Variants in FIGN observed in about 807,000 individuals in gnomAD.
The protein encoded by FIGN is fidgetin, microtubule severing factor, also known as fidgetin.
In FIGN, 11 loss-of-function variants were observed where a neutral mutation model predicts 51.3. The observed-to-expected ratio is 0.21, with a 90% CI of 0.13 to 0.35. The LOEUF (loss-of-function observed/expected upper bound fraction) is 0.35, where lower values mean the gene tolerates loss of function less well. Among genes scored for constraint, FIGN ranks in the 10% least tolerant of loss-of-function variants. The probability of loss-of-function intolerance (pLI) is 1.00; values close to 1 mark genes in which losing one functional copy is unlikely to be tolerated. For synonymous variants in FIGN, 407 were observed against 363.2 expected, an observed-to-expected ratio of 1.12 and a Z score of -1.37; for missense variants, 857 against 943.6, an observed-to-expected ratio of 0.91 and a Z score of 1.20.
At chr2:163,696,397 A>G (rs1173927890) in intron 2 of FIGN, among the ~76,000 whole-genome samples, 6 of 152,132 alleles carry the variant, frequency 3.9e-5, no homozygotes, top group Non-Finnish European at 8.8e-5. Flanking sequence ...TTAGCAACCT[A>G]TTCTACCTGT....
chr2:163,653,487 G>C (rs988761363), intron 2 of FIGN, among the ~76,000 whole-genome samples: 6 of 151,970 alleles, frequency 3.9e-5, no homozygotes, highest in African/African-American at 1.4e-4. Flanking sequence ...TCTGTTTAAA[G>C]TTTAATACAT....
intron 2 of FIGN, among the ~76,000 whole-genome samples, chr2:163,640,088 G>T (rs1683285311): frequency 6.6e-6 from 1 of 152,088 alleles, no homozygotes; most frequent in Admixed American, 6.6e-5. Context: ...CTTCCTGCAA[G>T]AAGTATCATA....
At chr2:163,622,705 G>C (rs976831849) in intron 2 of FIGN, among the ~76,000 whole-genome samples, 1 of 151,966 alleles carries the variant, frequency 6.6e-6, no homozygotes, top group Non-Finnish European at 1.5e-5. Flanking sequence ...GGGACTACAG[G>C]CTCACGCTAC....
In FIGN at chr2:163,638,384, T is replaced by C. The variant is rs545927084; in HGVS notation, c.26-26578A>G. ...TAAGAGAGTATTAACTCTTAGGTTT[T>C]AGTGGGGCTTTACATTTAAAACTTG... is the stretch of plus-strand genomic sequence containing the variant. On this transcript the variant is annotated intron_variant, in intron 2 of 2. Coordinates refer to ENST00000333129, the MANE Select transcript of FIGN (RefSeq NM_018086.4). Among the ~76,000 whole-genome samples, 15 of 152,234 alleles carry C rather than the reference T, an allele frequency of 9.9e-5. No homozygotes were observed. The South Asian group carries it at 2.7e-3, about 27-fold the overall frequency.
chr2:163,631,361 G>A (rs945736698), intron 2 of FIGN, among the ~76,000 whole-genome samples: 4 of 152,158 alleles, frequency 2.6e-5, no homozygotes, highest in East Asian at 1.9e-4. Context: ...TGGATGATGC[G>A]AACTTTGTTC....
chr2:163,734,349 C>CA lies in FIGN; in HGVS notation c.25+553dup, dbSNP rs564418276. Among the ~76,000 whole-genome samples the CA allele has an allele frequency of 3.7e-3, 532 of 144,212 alleles. 4 individuals carry two copies. The highest frequency in any genetic ancestry group is 5.5e-3 in the South Asian group (25 of 4,544). The allele number at this position is 144,212 out of a possible 152,430, so 94.6% of individuals were successfully genotyped here. A position where few individuals can be genotyped will look rare whatever the true frequency, so the allele number is the denominator to read the frequency against. ...CACCTCTTCACTTACCCGCCCCCCC[C>CA]AAAAAAAAACCACACTCAGAAGAAC... On this transcript the variant is annotated intron_variant, in intron 2 of 2. Coordinates refer to ENST00000333129, the MANE Select transcript of FIGN (RefSeq NM_018086.4).
At chr2:163,617,190 T>A (rs1682892467) in intron 2 of FIGN, 1 of 984,870 alleles carries the variant, frequency 1.0e-6, no homozygotes. Context: ...AATCTACAAG[T>A]AACAGAAAGG....
At chr2:163,675,806 G>A (rs1485170536) in intron 2 of FIGN, among the ~76,000 whole-genome samples, 2 of 140,238 alleles carry the variant, frequency 1.4e-5, no homozygotes, top group African/African-American at 5.2e-5. Context: ...AAGATGAGTA[G>A]GATTCATCAT....
Position 163,686,771 on chromosome 2 carries a change from T to C in FIGN, c.25+48132A>G, listed in dbSNP as rs201375330. Among the ~76,000 whole-genome samples the C allele has an allele frequency of 1.1e-4, 12 of 105,202 alleles. No individual in the cohort carries two copies. In the East Asian group the frequency reaches 1.5e-3, roughly 13 times the overall value. The allele number at this position is 105,202 out of a possible 152,430, so 69.0% of individuals were successfully genotyped here. Reference sequence around the variant, plus strand: ...ATGTATGTATGTGTATATATATATATACACATACACACACACACACACACA... The same window carrying C: ...ATGTATGTATGTGTATATATATATACACACATACACACACACACACACACA... On this transcript the variant is annotated intron_variant, in intron 2 of 2. Transcript: ENST00000333129.
At chr2:163,715,389 C>G (rs1295366660) in intron 2 of FIGN, among the ~76,000 whole-genome samples, 1 of 152,160 alleles carries the variant, frequency 6.6e-6, no homozygotes, top group Admixed American at 6.5e-5. Flanking sequence ...AAGGGTCATT[C>G]CTCCTTGCTG....
intron 2 of FIGN, among the ~76,000 whole-genome samples, chr2:163,650,753 C>T (rs903364775): frequency 6.6e-6 from 1 of 152,134 alleles, no homozygotes; most frequent in Non-Finnish European, 1.5e-5. Flanking sequence ...CTTATGTGAT[C>T]TTTGTGAAAA....
At chr2:163,617,004 A>C in intron 2 of FIGN, 1 of 637,032 alleles carries the variant, frequency 1.6e-6, no homozygotes, top group Non-Finnish European at 2.0e-6. Flanking sequence ...ATCATTCTTC[A>C]ATGGGAGTGA....
chr2:163,730,486 C>G (rs1684909741), intron 2 of FIGN, among the ~76,000 whole-genome samples: 1 of 148,930 alleles, frequency 6.7e-6, no homozygotes, highest in Admixed American at 6.7e-5. Flanking sequence ...GGTACAATCT[C>G]TCTCTCTTGC....
chr2:163,655,390 G>A (rs1157802071), intron 2 of FIGN, among the ~76,000 whole-genome samples: 2 of 152,068 alleles, frequency 1.3e-5, no homozygotes, highest in African/African-American at 4.8e-5. Context: ...GACTCTAAAG[G>A]TTTAACAGAA....
At chr2:163,683,205 C>T (rs1293867336) in intron 2 of FIGN, among the ~76,000 whole-genome samples, 1 of 152,156 alleles carries the variant, frequency 6.6e-6, no homozygotes, top group African/African-American at 2.4e-5. Context: ...AAGAATTCAC[C>T]TTCCTGAATC....
At position 163,608,096 on chromosome 2, in the gene FIGN, C is replaced by T. The variant is rs1691150209; in HGVS notation, c.*1456G>A. 6.6e-6 allele frequency: 1 copy of T among 152,552 alleles called. No homozygotes were observed. The highest frequency in any genetic ancestry group is 2.1e-4 in the South Asian group (1 of 4,828). 9.4% of individuals were successfully genotyped at this position (152,552 alleles called of 1,614,324 possible). The stretch of plus-strand genomic sequence containing the variant: ...GCAAGCTACATTGCAGTGTGTGTGT[C>T]CACTTCCAATTTTCTACTTTACTTT... On this transcript the variant is annotated 3_prime_UTR_variant, in exon 3 of 3. Coordinates refer to ENST00000333129, the MANE Select transcript of FIGN (RefSeq NM_018086.4).
At chr2:163,702,388 A>C (rs999414663) in intron 2 of FIGN, among the ~76,000 whole-genome samples, 4 of 152,162 alleles carry the variant, frequency 2.6e-5, no homozygotes, top group Non-Finnish European at 5.9e-5. Flanking sequence ...AAAAGGACAA[A>C]GTCTGTAAGA....
intron 2 of FIGN, among the ~76,000 whole-genome samples, chr2:163,657,500 CTGTGTG>C (rs72033079): frequency 8.8e-5 from 13 of 147,536 alleles, no homozygotes; most frequent in African/African-American, 2.2e-4. Context: ...CAGAGGGAGT[CTGTGTG>C]TGTGTGTGTG....
intron 2 of FIGN, among the ~76,000 whole-genome samples, chr2:163,715,442 A>G (rs141641537): frequency 1.3e-5 from 2 of 152,190 alleles, no homozygotes; most frequent in Non-Finnish European, 2.9e-5. Context: ...AAACTAGATG[A>G]GTGACTGTCG....
Sources: allele counts gnomAD v4.1 joint callset (sites outside exome capture counted in the v4.1 genomes callset), GRCh38; gene constraint gnomAD v4.1.1; transcripts MANE v1.5; gene names NCBI Gene and HGNC (gene_info 2026-07-23, HGNC 2026-07-21).